The following ELOVL6 variants were observed in gnomAD, a reference collection of about 807,000 sequenced individuals.
ELOVL6 encodes ELOVL fatty acid elongase 6, also known as very long chain fatty acid elongase 6.
ELOVL6 carries 8 observed loss-of-function variants against 31.7 expected under a neutral mutation model. That is an observed-to-expected ratio of 0.25 (90% CI 0.15 to 0.45). The LOEUF is 0.45. Ranked by LOEUF, ELOVL6 falls within the 20% of genes least tolerant of loss-of-function variation. ELOVL6 has a pLI of 1.00. For missense variants in ELOVL6, 126 were observed against 326.4 expected (o/e 0.39, Z 4.73); for synonymous variants, 101 against 117.7 (o/e 0.86, Z 0.92).
intron 2 of ELOVL6, among the ~76,000 whole-genome samples, chr4:110,081,516 G>C (rs1308951844): frequency 6.6e-6 from 1 of 152,030 alleles, no homozygotes; most frequent in Non-Finnish European, 1.5e-5. Context: ...TTAATAAATG[G>C]TGCTGGGAAA....
intron 1 of ELOVL6, chr4:110,117,903 A>AAAATATATATATATATAT: frequency 1.1e-3 from 7 of 6,486 alleles, no homozygotes; most frequent in Non-Finnish European, 2.6e-3. Flanking sequence ...AAAAAAAAAA[A>AAAATATATATATATATAT]ATATATATAT....
intron 2 of ELOVL6, among the ~76,000 whole-genome samples, chr4:110,099,465 C>G (rs1756681183): frequency 6.6e-6 from 1 of 152,090 alleles, no homozygotes; most frequent in Admixed American, 6.6e-5. Flanking sequence ...GGCAAGAAGT[C>G]AAACTATAAA....
In ELOVL6 at chr4:110,087,008, T is replaced by C. The variant is rs911580431; in HGVS notation, c.221+18489A>G. On this transcript the variant is annotated intron_variant, in intron 2 of 3. Transcript: ENST00000302274. The stretch of plus-strand genomic sequence containing the variant: ...AAGCACCTGATATAGGCTGTCTAAA[T>C]GGGTTGTTAGGTTTGGAAATTTAGG... Among the ~76,000 whole-genome samples, 4 of 152,248 alleles carry C rather than the reference T, an allele frequency of 2.6e-5. No individual in the cohort carries two copies. The East Asian group carries it at 5.8e-4, about 22-fold the overall frequency.
chr4:110,158,664 T>A (rs1424492488), intron 1 of ELOVL6, among the ~76,000 whole-genome samples: 27 of 127,294 alleles, frequency 2.1e-4, no homozygotes, highest in African/African-American at 6.1e-4. Flanking sequence ...TATATTTTTT[T>A]TTTTTTTTTT....
At chr4:110,181,070 C>T (rs1456091954) in intron 1 of ELOVL6, among the ~76,000 whole-genome samples, 3 of 151,302 alleles carry the variant, frequency 2.0e-5, no homozygotes, top group East Asian at 3.9e-4. Flanking sequence ...CTTAGGCATT[C>T]GAGGTTACAG....
intron 1 of ELOVL6, among the ~76,000 whole-genome samples, chr4:110,168,600 G>C (rs988245472): frequency 6.6e-6 from 1 of 151,738 alleles, no homozygotes; most frequent in Non-Finnish European, 1.5e-5. Context: ...TCATTGTGCA[G>C]AGCTCATTTA....
intron 1 of ELOVL6, among the ~76,000 whole-genome samples, chr4:110,112,130 G>C (rs1006732952): frequency 3.6e-5 from 2 of 54,888 alleles, no homozygotes; most frequent in Non-Finnish European, 6.1e-5. Context: ...GTCATGAAGG[G>C]TACTGAAAGT....
At chr4:110,115,922 C>T (rs1757156846) in intron 1 of ELOVL6, among the ~76,000 whole-genome samples, 1 of 152,176 alleles carries the variant, frequency 6.6e-6, no homozygotes, top group Non-Finnish European at 1.5e-5. Context: ...ACTTGACATT[C>T]CTTGGCTCAT....
intron 2 of ELOVL6, among the ~76,000 whole-genome samples, chr4:110,068,094 TA>T (rs1332472151): frequency 6.6e-6 from 1 of 152,088 alleles, no homozygotes; most frequent in Non-Finnish European, 1.5e-5. Context: ...AAATTAAAAC[TA>T]AAATACATAA....
intron 2 of ELOVL6, among the ~76,000 whole-genome samples, chr4:110,084,555 C>CAGATATATATTTATATATATATATATAT (rs1560815738): frequency 1.7e-5 from 1 of 58,330 alleles, no homozygotes; most frequent in South Asian, 5.9e-4. Flanking sequence ...CACACACACA[C>CAGATATATATTTATATATATATATATAT]ACACACAGAT....
chr4:110,174,629 T>C (rs866502957), intron 1 of ELOVL6, among the ~76,000 whole-genome samples: 20 of 152,268 alleles, frequency 1.3e-4, no homozygotes, highest in African/African-American at 1.9e-4. Flanking sequence ...ATGTGCTAGG[T>C]TGACATTCCT....
At chr4:110,132,518 G>C (rs966661184) in intron 1 of ELOVL6, among the ~76,000 whole-genome samples, 2 of 151,932 alleles carry the variant, frequency 1.3e-5, no homozygotes, top group African/African-American at 2.4e-5. Context: ...AGTTTGATGG[G>C]GAGTCAAGAA....
At chr4:110,137,343 G>T (rs904121528) in intron 1 of ELOVL6, among the ~76,000 whole-genome samples, 2 of 152,072 alleles carry the variant, frequency 1.3e-5, no homozygotes, top group African/African-American at 2.4e-5. Context: ...GTTCATCATC[G>T]TGACTTACTT....
chr4:110,062,065 A>G (rs1307562215), intron 2 of ELOVL6, among the ~76,000 whole-genome samples: 4 of 152,206 alleles, frequency 2.6e-5, no homozygotes, highest in African/African-American at 9.6e-5. Context: ...AAAAAAAATC[A>G]TTAAGCTAAC....
intron 1 of ELOVL6, among the ~76,000 whole-genome samples, chr4:110,191,807 A>G (rs1055911801): frequency 1.3e-5 from 2 of 152,080 alleles, no homozygotes; most frequent in Non-Finnish European, 2.9e-5. Context: ...AAAGAAAAGA[A>G]AAAGAAAATT....
chr4:110,141,728 G>A (rs1475193816), intron 1 of ELOVL6, among the ~76,000 whole-genome samples: 1 of 141,760 alleles, frequency 7.1e-6, no homozygotes, highest in Non-Finnish European at 1.5e-5. Flanking sequence ...TATACTAATT[G>A]TATTGTATTG....
chr4:110,186,822 A>AAATATAT (rs1553963193), intron 1 of ELOVL6, among the ~76,000 whole-genome samples: 26 of 59,418 alleles, frequency 4.4e-4, no homozygotes, highest in African/African-American at 6.0e-4. Flanking sequence ...AAAAAAAAAA[A>AAATATAT]ATATATATAT....
chr4:110,116,468 C>T (rs1277641182), intron 1 of ELOVL6, among the ~76,000 whole-genome samples: 2 of 152,212 alleles, frequency 1.3e-5, no homozygotes, highest in Non-Finnish European at 2.9e-5. Context: ...TAACATGTGA[C>T]TCACAAATAT....
intron 1 of ELOVL6, among the ~76,000 whole-genome samples, chr4:110,122,757 AC>A (rs1666609135): frequency 6.6e-6 from 1 of 152,148 alleles, no homozygotes; most frequent in Non-Finnish European, 1.5e-5. Context: ...CCCCTGTGAC[AC>A]CCTGTGCTAC....
Sources: gnomAD v4.1 joint callset for allele counts (sites outside exome capture counted in the v4.1 genomes callset) on GRCh38, gnomAD v4.1.1 for gene constraint, MANE v1.5 for transcripts, NCBI Gene and HGNC (gene_info 2026-07-23, HGNC 2026-07-21) for gene names.